GATA5: variants seen among roughly 807,000 people sequenced by gnomAD.
GATA5 encodes GATA binding protein 5.
Under a neutral mutation model 35.0 loss-of-function variants are expected in GATA5, and 27 were observed. The ratio of observed to expected loss-of-function variants is 0.77; its 90% CI spans 0.57 to 1.06. The LOEUF (loss-of-function observed/expected upper bound fraction) is 1.06. Ranked by LOEUF, GATA5 falls within the 50% of genes least tolerant of loss-of-function variation. The probability of loss-of-function intolerance (pLI) is 0.00; values close to 1 mark genes in which losing one functional copy is unlikely to be tolerated. For missense variants in GATA5, 612 were observed against 580.0 expected (o/e 1.06, Z -0.57); for synonymous variants, 306 against 267.8 (o/e 1.14, Z -1.39).
intron 3 of GATA5, among the ~76,000 whole-genome samples, chr20:62,471,292 G>A (rs1555896507): frequency 3.9e-5 from 6 of 152,140 alleles, no homozygotes; most frequent in Non-Finnish European, 7.3e-5. Context: ...GCAGCCCTTT[G>A]CATGGGTGAG....
At chr20:62,467,340 G>A (rs1989617340) in intron 3 of GATA5, among the ~76,000 whole-genome samples, 1 of 152,330 alleles carries the variant, frequency 6.6e-6, no homozygotes, top group Admixed American at 6.5e-5. Flanking sequence ...GCTCAAGCCA[G>A]CCTTTCTCCC....
chr20:62,472,944 T>G (rs192602581), intron 3 of GATA5, among the ~76,000 whole-genome samples: 75 of 152,298 alleles, frequency 4.9e-4, no homozygotes, highest in African/African-American at 1.6e-3. Flanking sequence ...TCAAGGCCCT[T>G]CAATCAAGTA....
chr20:62,471,413 G>A (rs1219375703), intron 3 of GATA5, among the ~76,000 whole-genome samples: 2 of 112,618 alleles, frequency 1.8e-5, no homozygotes, highest in African/African-American at 6.4e-5. Flanking sequence ...AAATTAAAGA[G>A]AAGTTAATTT....
At chr20:62,472,220 G>A (rs1478980120) in intron 3 of GATA5, among the ~76,000 whole-genome samples, 2 of 152,012 alleles carry the variant, frequency 1.3e-5, no homozygotes, top group African/African-American at 4.8e-5. Flanking sequence ...GGCTGGGCCT[G>A]CAGAGCCCCA....
At position 62,475,511 on chromosome 20, in the gene GATA5, C is replaced by A; in HGVS notation, c.11G>T (p.Ser4Ile). MYQ[S>I]LALAASPRQA... ...GCGGGGGCTCGCGGCCAGCGCCAGGCTCTGGTACATCCTCCCAGGCGTGGT... is the reference window on the plus strand; with the variant it reads ...GCGGGGGCTCGCGGCCAGCGCCAGGATCTGGTACATCCTCCCAGGCGTGGT... Residue 4 changes from serine (S) to isoleucine (I), a missense_variant, in exon 2 of 7, where the codon AGC becomes ATC. Ser to Ile is a moderately radical substitution (Grantham distance 142). Transcript: ENST00000252997. 1 of 1,321,620 alleles carries A rather than the reference C, an allele frequency of 7.6e-7. No individual in the cohort carries two copies. The highest frequency in any genetic ancestry group is 2.3e-5 in the South Asian group (1 of 43,384). 81.9% of individuals were successfully genotyped at this position (1,321,620 alleles called of 1,614,324 possible).
In GATA5 at chr20:62,475,276, G is replaced by A; in HGVS notation, c.246C>T (p.Pro82=). 1 of 1,246,484 alleles carries A rather than the reference G, an allele frequency of 8.0e-7. No homozygotes were observed. Among genetic ancestry groups the A allele is most frequent in the Non-Finnish European group, 1.0e-6 (1 of 995,474 alleles). 77.2% of individuals were successfully genotyped at this position (1,246,484 alleles called of 1,614,324 possible). ...SSAFGPGSPH[P]PAAHPPGATA... is the part of the protein sequence containing the mutation. Reference sequence around the variant, plus strand: ...TGGCCCCGGGCGGGTGCGCGGCTGGGGGGTGCGGACTGCCCGGGCCGAAGG... The same window carrying A: ...TGGCCCCGGGCGGGTGCGCGGCTGGAGGGTGCGGACTGCCCGGGCCGAAGG... Residue 82 remains proline, a synonymous_variant, in exon 2 of 7, where the codon CCC becomes CCT. Transcript: ENST00000252997.
At position 62,465,879 on chromosome 20, in the gene GATA5, G is replaced by A. The variant is rs1555896032; in HGVS notation, c.868C>T (p.Arg290Trp). 6 of 1,598,814 alleles carry A rather than the reference G, an allele frequency of 3.8e-6. No homozygotes were observed. The highest frequency in any genetic ancestry group is 3.4e-5 in the Admixed American group (2 of 58,110). ...LAMKKESIQTRKRKPKTIAKA... is the reference protein window; with the variant it reads ...LAMKKESIQTWKRKPKTIAKA... Reference sequence around the variant, plus strand: ...GCGATGGTCTTTGGCTTCCGCTTCCGTGTCTGGATGCTTTCCTTCTTCATA... The same window carrying A: ...GCGATGGTCTTTGGCTTCCGCTTCCATGTCTGGATGCTTTCCTTCTTCATA... Residue 290 changes from arginine (R) to tryptophan (W), a missense_variant, in exon 5 of 7, where the codon CGG (arginine) becomes TGG (tryptophan). By Grantham distance (101) the Arg-to-Trp change is moderately radical. Coordinates refer to ENST00000252997, the MANE Select transcript of GATA5 (RefSeq NM_080473.5).
Position 62,475,444 on chromosome 20 carries a change from C to A in GATA5, c.78G>T (p.Pro26=). The change falls in exon 2 of 7, where the codon CCG becomes CCT. Residue 26 remains proline (P), a synonymous_variant. Coordinates refer to ENST00000252997, the MANE Select transcript of GATA5 (RefSeq NM_080473.5). ...YADSGSFLHA[P]GAGSPMFVPP... Reference sequence around the variant, plus strand: ...GCACAAACATCGGAGAGCCGGCGCCCGGAGCGTGCAGGAAGGAGCCCGAGT... The same window carrying A: ...GCACAAACATCGGAGAGCCGGCGCCAGGAGCGTGCAGGAAGGAGCCCGAGT... 1.5e-6 allele frequency: 2 copies of A among 1,355,006 alleles called. No homozygotes were observed. The highest frequency in any genetic ancestry group is 2.0e-5 in the South Asian group (1 of 51,234). The allele number at this position is 1,355,006 out of a possible 1,614,324, so 83.9% of individuals were successfully genotyped here. A position where few individuals can be genotyped will look rare whatever the true frequency, so the allele number is the denominator to read the frequency against.
intron 3 of GATA5, among the ~76,000 whole-genome samples, chr20:62,467,499 T>A (rs1989621085): frequency 6.6e-6 from 1 of 152,214 alleles, no homozygotes; most frequent in Non-Finnish European, 1.5e-5. Context: ...CCCAGCCACT[T>A]GTCCCCAGAC....
intron 3 of GATA5, among the ~76,000 whole-genome samples, chr20:62,472,905 C>A (rs1366499141): frequency 1.3e-5 from 2 of 152,242 alleles, no homozygotes; most frequent in Admixed American, 6.5e-5. Flanking sequence ...GAGGGGACTA[C>A]AGACCCAAAG....
intron 3 of GATA5, 113 bp from the exon 4 acceptor site, chr20:62,466,664 G>A: frequency 7.9e-7 from 1 of 1,261,040 alleles, no homozygotes; most frequent in Non-Finnish European, 1.1e-6. Flanking sequence ...CGGTGAGAAG[G>A]TCGTGAGCTC....
chr20:62,469,523 C>T (rs148900267), intron 3 of GATA5, among the ~76,000 whole-genome samples: 380 of 152,358 alleles, frequency 2.5e-3, no homozygotes, highest in African/African-American at 8.6e-3. Flanking sequence ...TGCCAGCACG[C>T]CCCGACGGAG....
intron 3 of GATA5, among the ~76,000 whole-genome samples, chr20:62,467,986 C>A (rs781944241): frequency 3.3e-5 from 5 of 149,390 alleles, no homozygotes; most frequent in Non-Finnish European, 7.4e-5. Flanking sequence ...ACACAGCCAG[C>A]CTCGGCTTCC....
At position 62,466,541 on chromosome 20, in the gene GATA5, C is replaced by G. The variant is rs375382459; in HGVS notation, c.710G>C (p.Arg237Pro). Reference protein sequence around the residue: ...VRPQKRLSSSRRAGLCCTNCH... With the variant: ...VRPQKRLSSSPRAGLCCTNCH... The stretch of plus-strand genomic sequence containing the variant: ...GTTGGTGCAGCAGAGGCCGGCGCGG[C>G]GGGACGAGGACTGTGGGGGCGAGGG... Residue 237 changes from arginine to proline, a missense_variant, in exon 4 of 7, where the codon CGC (arginine) becomes CCC (proline). Physicochemically the swap from Arg to Pro is moderately radical, Grantham distance 103. Coordinates refer to ENST00000252997, the MANE Select transcript of GATA5 (RefSeq NM_080473.5). The G allele has an allele frequency of 6.4e-7, 1 of 1,552,222 alleles. No homozygotes were observed. Among genetic ancestry groups the G allele is most frequent in the African/African-American group, 1.4e-5 (1 of 73,448 alleles).
chr20:62,472,510 C>T (rs1434859600), intron 3 of GATA5, among the ~76,000 whole-genome samples: 4 of 152,238 alleles, frequency 2.6e-5, no homozygotes, highest in Admixed American at 6.5e-5. Context: ...CGACCCCGCA[C>T]GGAGTCCACA....
intron 6 of GATA5, 90 bp from the exon 7 acceptor site, chr20:62,465,081 C>T (rs1601513856): frequency 9.0e-7 from 1 of 1,107,352 alleles, no homozygotes; most frequent in Admixed American, 2.6e-5. Context: ...CAGGAGCTCC[C>T]ATGACCGGTA....
At chr20:62,468,247 C>T (rs1349785482) in intron 3 of GATA5, among the ~76,000 whole-genome samples, 1 of 152,066 alleles carries the variant, frequency 6.6e-6, no homozygotes, top group Non-Finnish European at 1.5e-5. Flanking sequence ...GCCTCGGTTT[C>T]CCCGTCTGTT....
chr20:62,464,651 G>A lies in GATA5; in HGVS notation c.*185C>T, dbSNP rs1218347675. Reference sequence around the variant, plus strand: ...GAGCCCTTCCCTCACCAGCCTTCTTGCTCTGGGGCCCGACTGCCGTCTGTC... The same window carrying A: ...GAGCCCTTCCCTCACCAGCCTTCTTACTCTGGGGCCCGACTGCCGTCTGTC... On this transcript the variant is annotated 3_prime_UTR_variant, in exon 7 of 7. Transcript: ENST00000252997. 4.0e-5 allele frequency: 20 copies of A among 494,056 alleles called. No individual in the cohort carries two copies. The highest frequency in any genetic ancestry group is 6.6e-5 in the Non-Finnish European group (19 of 288,556). 30.6% of individuals were successfully genotyped at this position (494,056 alleles called of 1,614,324 possible).
In GATA5 at chr20:62,467,224, G is replaced by A. The variant is rs558073811; in HGVS notation, c.700-673C>T. On this transcript the variant is annotated intron_variant, in intron 3 of 6. Coordinates refer to ENST00000252997, the MANE Select transcript of GATA5 (RefSeq NM_080473.5). ...TCCCAAACCTCCAGGGCCCCAGTCC[G>A]TGAGCTCAGCTGGGGCTCAGGAATC... Among the ~76,000 whole-genome samples the A allele has an allele frequency of 1.2e-4, 18 of 152,210 alleles. No individual in the cohort carries two copies. The South Asian group carries it at 2.7e-3, about 23-fold the overall frequency.
Sources: gnomAD v4.1 joint callset for allele counts (sites outside exome capture counted in the v4.1 genomes callset) on GRCh38, gnomAD v4.1.1 for gene constraint, MANE v1.5 for transcripts, NCBI Gene and HGNC (gene_info 2026-07-23, HGNC 2026-07-21) for gene names.